The following PRIMA1 variants were observed in gnomAD, a reference collection of about 807,000 sequenced individuals.
PRIMA1 encodes the protein proline rich membrane anchor 1.
In PRIMA1, 7 loss-of-function variants were observed where a neutral mutation model predicts 17.5. The observed-to-expected ratio is 0.40, with a 90% CI of 0.23 to 0.75. PRIMA1 has a LOEUF of 0.75. Ranked by LOEUF, PRIMA1 falls within the 30% of genes least tolerant of loss-of-function variation. The pLI, the probability that PRIMA1 is intolerant of heterozygous loss-of-function variation, is 0.37. For missense variants in PRIMA1, 200 were observed against 201.8 expected (o/e 0.99, Z 0.05); for synonymous variants, 97 against 77.9 (o/e 1.25, Z -1.29).
At chr14:93,788,895 G>A (rs1408777179), upstream of PRIMA1, among the ~76,000 whole-genome samples, 1 of 152,112 alleles carries the variant, frequency 6.6e-6, no homozygotes, top group Non-Finnish European at 1.5e-5. Context: ...GGCGCCGCGC[G>A]GCTGCCCGGG....
chr14:93,772,113 G>T (rs926367506), intron 3 of PRIMA1, among the ~76,000 whole-genome samples: 4 of 152,224 alleles, frequency 2.6e-5, no homozygotes, highest in Admixed American at 2.0e-4. Flanking sequence ...CTAAGTATTG[G>T]CTTCTTTCTA....
intron 3 of PRIMA1, among the ~76,000 whole-genome samples, chr14:93,759,354 C>A (rs937660991): frequency 2.0e-5 from 3 of 152,152 alleles, no homozygotes; most frequent in Non-Finnish European, 4.4e-5. Context: ...TAGACACCCC[C>A]ATTTCCAAAT....
chr14:93,758,594 C>CAAAAAAAAAAA (rs34329291), intron 3 of PRIMA1, among the ~76,000 whole-genome samples: 10 of 81,310 alleles, frequency 1.2e-4, no homozygotes, highest in Non-Finnish European at 1.9e-4. Context: ...GCAAGACTCT[C>CAAAAAAAAAAA]AAAAAAAAAA....
intron 2 of PRIMA1, 135 bp from the exon 3 acceptor site, chr14:93,779,446 T>G: frequency 2.8e-6 from 2 of 721,814 alleles, no homozygotes; most frequent in South Asian, 2.0e-5. Context: ...GCAGGAAGAA[T>G]CAACAGAAGT....
chr14:93,744,391 A>C (rs1355441241), intron 3 of PRIMA1, among the ~76,000 whole-genome samples: 1 of 152,238 alleles, frequency 6.6e-6, no homozygotes, highest in Non-Finnish European at 1.5e-5. Flanking sequence ...TCCTGGGCAC[A>C]GGGTGCCCTT....
chr14:93,735,302 A>G (rs1302335965), intron 4 of PRIMA1, among the ~76,000 whole-genome samples: 1 of 152,162 alleles, frequency 6.6e-6, no homozygotes, highest in Non-Finnish European at 1.5e-5. Flanking sequence ...CCTGGTGACA[A>G]AGGCCTCCCC....
intron 3 of PRIMA1, among the ~76,000 whole-genome samples, chr14:93,745,995 C>A (rs2076214911): frequency 6.6e-6 from 1 of 152,184 alleles, no homozygotes; most frequent in South Asian, 2.1e-4. Flanking sequence ...CCGCTGCCCC[C>A]ATCCTTCCCC....
chr14:93,771,440 T>C (rs1271443471), intron 3 of PRIMA1, among the ~76,000 whole-genome samples: 1 of 152,158 alleles, frequency 6.6e-6, no homozygotes, highest in African/African-American at 2.4e-5. Flanking sequence ...ACATGGAGTG[T>C]TAGAGTGAAC....
intron 4 of PRIMA1, among the ~76,000 whole-genome samples, chr14:93,732,216 G>A (rs2076119358): frequency 6.6e-6 from 1 of 152,182 alleles, no homozygotes; most frequent in Non-Finnish European, 1.5e-5. Flanking sequence ...CAGGGGGTGG[G>A]CATCATCTCC....
intron 3 of PRIMA1, among the ~76,000 whole-genome samples, chr14:93,757,599 T>C (rs1390770578): frequency 6.6e-6 from 1 of 152,176 alleles, no homozygotes; most frequent in African/African-American, 2.4e-5. Flanking sequence ...GCAATTGGTC[T>C]GTGGTTGAAG....
chr14:93,751,367 TC>T (rs1286957549), intron 3 of PRIMA1, among the ~76,000 whole-genome samples: 1 of 152,112 alleles, frequency 6.6e-6, no homozygotes, highest in Admixed American at 6.5e-5. Context: ...TCACTCGGCT[TC>T]CCCCCTGCTC....
chr14:93,768,990 GGCC>G (rs1884975230), intron 3 of PRIMA1, among the ~76,000 whole-genome samples: 2 of 11,910 alleles, frequency 1.7e-4, no homozygotes, highest in Admixed American at 2.3e-3. Flanking sequence ...TTTTTTAAAA[GGCC>G]AGTGATTACA....
chr14:93,735,681 T>G (rs1416297961), intron 4 of PRIMA1, among the ~76,000 whole-genome samples: 1 of 141,652 alleles, frequency 7.1e-6, no homozygotes, highest in Non-Finnish European at 1.5e-5. Context: ...CCACTTTGGT[T>G]TTCTTTCTTC....
intron 3 of PRIMA1, among the ~76,000 whole-genome samples, chr14:93,763,590 C>T (rs571010431): frequency 1.3e-5 from 2 of 152,352 alleles, no homozygotes; most frequent in South Asian, 2.1e-4. Context: ...CTGCAGCTTG[C>T]AGGTGCCAGG....
chr14:93,788,910 T>C (rs1176425069), upstream of PRIMA1, among the ~76,000 whole-genome samples: 1 of 151,986 alleles, frequency 6.6e-6, no homozygotes, highest in Non-Finnish European at 1.5e-5. Context: ...CCCGGGGCAC[T>C]GGGGTGCCCG....
intron 3 of PRIMA1, among the ~76,000 whole-genome samples, chr14:93,762,418 A>C (rs1884761167): frequency 6.7e-6 from 1 of 149,296 alleles, no homozygotes; most frequent in African/African-American, 2.5e-5. Flanking sequence ...ACAGCCCCCC[A>C]CCCCCCAATC....
intron 3 of PRIMA1, among the ~76,000 whole-genome samples, chr14:93,754,440 G>T (rs2076278910): frequency 6.6e-6 from 1 of 151,514 alleles, no homozygotes; most frequent in Admixed American, 6.6e-5. Flanking sequence ...CCATGGTGGG[G>T]GGGGCCTTGA....
intron 3 of PRIMA1, among the ~76,000 whole-genome samples, chr14:93,775,293 G>GA (rs749844318): frequency 1.3e-5 from 2 of 152,224 alleles, no homozygotes; most frequent in Non-Finnish European, 2.9e-5. Context: ...ACTGGACTGT[G>GA]AACTCCATGA....
intron 3 of PRIMA1, among the ~76,000 whole-genome samples, chr14:93,774,858 C>T (rs1442256309): frequency 1.3e-5 from 2 of 152,234 alleles, no homozygotes; most frequent in African/African-American, 4.8e-5. Flanking sequence ...CTCAACTCAA[C>T]CCCATGGGGT....
Sources: gnomAD v4.1 joint callset for allele counts (sites outside exome capture counted in the v4.1 genomes callset) on GRCh38, gnomAD v4.1.1 for gene constraint, MANE v1.5 for transcripts, NCBI Gene and HGNC (gene_info 2026-07-23, HGNC 2026-07-21) for gene names.